NEK4: variants seen among roughly 807,000 people sequenced by gnomAD.
The protein encoded by NEK4 is NIMA related kinase 4.
In NEK4, 86 loss-of-function variants were observed where a neutral mutation model predicts 98.4. The ratio of observed to expected loss-of-function variants is 0.87; its 90% confidence interval spans 0.73 to 1.05. NEK4 has a LOEUF of 1.05. Ranked by LOEUF, NEK4 falls within the 50% of genes least tolerant of loss-of-function variation. The probability of loss-of-function intolerance (pLI) is 0.00; values close to 1 mark genes in which losing one functional copy is unlikely to be tolerated. For missense variants in NEK4, 898 were observed against 950.3 expected, an observed-to-expected ratio of 0.94 and a Z score of 0.72; for synonymous variants, 328 against 342.2, an observed-to-expected ratio of 0.96 and a Z score of 0.46.
chr3:52,753,414 A>T, intron 6 of NEK4: 1 of 359,736 alleles, frequency 2.8e-6, no homozygotes. Context: ...TGGGAACTCT[A>T]CATTGAAGGC....
chr3:52,766,662 C>A (rs184944877), intron 2 of NEK4, among the ~76,000 whole-genome samples: 26 of 152,352 alleles, frequency 1.7e-4, no homozygotes, highest in Admixed American at 1.6e-3. Flanking sequence ...GACAATTATA[C>A]CATTTTGGCA....
At chr3:52,752,800 T>G (rs2154105350) in intron 6 of NEK4, among the ~76,000 whole-genome samples, 1 of 148,624 alleles carries the variant, frequency 6.7e-6, no homozygotes, top group African/African-American at 2.5e-5. Flanking sequence ...CCTGGGAGGC[T>G]GATGCGGGAG....
intron 7 of NEK4, among the ~76,000 whole-genome samples, chr3:52,750,922 G>A (rs1395616409): frequency 6.6e-6 from 1 of 152,158 alleles, no homozygotes; most frequent in Non-Finnish European, 1.5e-5. Context: ...CAGAGACCCT[G>A]TCTCAAAAAA....
intron 6 of NEK4, among the ~76,000 whole-genome samples, chr3:52,759,006 C>T (rs752396481): frequency 4.0e-5 from 6 of 150,230 alleles, no homozygotes; most frequent in Non-Finnish European, 8.9e-5. Flanking sequence ...AGGAGGATCC[C>T]TTGAGTCAAG....
rs1025812602 is a variant in NEK4 at position 52,710,945 on chromosome 3, T to C, written c.*832A>G. 1 of 152,604 alleles carries C rather than the reference T, an allele frequency of 6.6e-6. No individual in the cohort carries two copies. The allele number at this position is 152,604 out of a possible 1,614,324, so 9.5% of individuals were successfully genotyped here. On this transcript the variant is annotated 3_prime_UTR_variant, in exon 16 of 16. Transcript: ENST00000233027. Reference sequence around the variant, plus strand: ...GCTATATAATCATACATTTAAAACATGGAAAGACAACTAATATCTTACAGT... The same window carrying C: ...GCTATATAATCATACATTTAAAACACGGAAAGACAACTAATATCTTACAGT...
At chr3:52,758,825 G>T (rs553294599) in intron 6 of NEK4, among the ~76,000 whole-genome samples, 4 of 152,078 alleles carry the variant, frequency 2.6e-5, no homozygotes, top group African/African-American at 9.7e-5. Context: ...GCAGGGGCTG[G>T]GTGATGTGGC....
intron 4 of NEK4, among the ~76,000 whole-genome samples, chr3:52,765,208 G>A (rs1203448822): frequency 6.6e-6 from 1 of 151,896 alleles, no homozygotes; most frequent in African/African-American, 2.4e-5. Context: ...AAAATTAGCT[G>A]GGCCTGGCAG....
intron 4 of NEK4, among the ~76,000 whole-genome samples, chr3:52,764,776 ATG>A (rs766887057): frequency 0.056 from 4,473 of 79,782 alleles, 98 homozygotes; most frequent in Middle Eastern, 0.072. Context: ...ACACACACAC[ATG>A]CACACACACA....
rs750078366 is a variant in NEK4, at chr3:52,751,994, C to T, written c.1306G>A (p.Glu436Lys). The change falls in exon 7 of 16, where the codon GAA (glutamate) becomes AAA (lysine). Residue 436 changes from glutamate to lysine, a missense_variant. Transcript: ENST00000233027. ...AGAGGCTTCACTGGTTCATTCTTTT[C>T]CCCAGTGACAATGTCAGAGGACCAC... ...PMWSSDIVTGEKNEPVKPLQP... is the reference protein window; with the variant it reads ...PMWSSDIVTGKKNEPVKPLQP... 8.7e-6 allele frequency: 14 copies of T among 1,613,966 alleles called. No homozygotes were observed. Among genetic ancestry groups the T allele is most frequent in the Non-Finnish European group, 1.2e-5 (14 of 1,180,002 alleles).
chr3:52,761,444 A>G (rs62255398), intron 5 of NEK4, among the ~76,000 whole-genome samples: 1 of 151,770 alleles, frequency 6.6e-6, no homozygotes, highest in African/African-American at 2.4e-5. Flanking sequence ...ACGCCCGGCT[A>G]ATTTTTTTGT....
intron 11 of NEK4, among the ~76,000 whole-genome samples, 189 bp from the exon 12 acceptor site, chr3:52,743,650 CT>C (rs2154104156): frequency 6.6e-6 from 1 of 152,300 alleles, no homozygotes; most frequent in East Asian, 1.9e-4. Context: ...GCTCTGTGAC[CT>C]TGGGCAAGTT....
intron 12 of NEK4, among the ~76,000 whole-genome samples, chr3:52,742,650 A>G (rs868701296): frequency 3.9e-5 from 6 of 152,190 alleles, no homozygotes; most frequent in African/African-American, 1.4e-4. Flanking sequence ...AACTACATTG[A>G]CACAAATAAG....
chr3:52,743,436 C>T lies in NEK4; in HGVS notation c.1920G>A (p.Leu640=). The stretch of plus-strand genomic sequence containing the variant: ...GGGGTTTTCCTGGCCCTGCTACACT[C>T]AGAGACGCTTTCCTCACTGAAGGGC... ...SSGPSVRKAS[L]SVAGPGKPQE... is the part of the protein sequence containing the mutation. The change falls in exon 12 of 16, where the codon CTG becomes CTA. Residue 640 remains leucine (L), a synonymous_variant. Transcript: ENST00000233027. 6.2e-7 allele frequency: 1 copy of T among 1,614,134 alleles called. No individual in the cohort carries two copies. Among genetic ancestry groups the T allele is most frequent in the Admixed American group, 1.7e-5 (1 of 60,004 alleles).
At chr3:52,713,800 A>C (rs1200637025) in intron 15 of NEK4, among the ~76,000 whole-genome samples, 1 of 131,960 alleles carries the variant, frequency 7.6e-6, no homozygotes, top group African/African-American at 2.5e-5. Flanking sequence ...CTCTCAAAAA[A>C]AAAAAAAAAA....
chr3:52,750,586 A>G (rs1193474706), intron 7 of NEK4, among the ~76,000 whole-genome samples: 2 of 151,976 alleles, frequency 1.3e-5, no homozygotes, highest in Non-Finnish European at 2.9e-5. Flanking sequence ...ACACACATGC[A>G]CACACACACA....
chr3:52,713,033 A>G lies in NEK4; in HGVS notation c.2434-1164T>C, dbSNP rs544985120. On this transcript the variant is annotated intron_variant, in intron 15 of 15. Transcript: ENST00000233027. ...GGCACAGATCTGAGGGTGGAGCCCT[A>G]GCCAGAGGCCACGCCCTCCCTTACC... Among the ~76,000 whole-genome samples, 5 of 152,288 alleles carry G rather than the reference A, an allele frequency of 3.3e-5. No individual in the cohort carries two copies. The East Asian group carries it at 7.7e-4, about 24-fold the overall frequency.
At chr3:52,770,554 G>T in intron 1 of NEK4, 100 bp downstream of exon 1, 1 of 869,884 alleles carries the variant, frequency 1.1e-6, no homozygotes, top group Non-Finnish European at 1.8e-6. Context: ...CGCCATCCGA[G>T]ATGAGCCTCT....
chr3:52,759,603 A>C (rs759798406), intron 6 of NEK4, among the ~76,000 whole-genome samples: 65 of 152,308 alleles, frequency 4.3e-4, no homozygotes, highest in Middle Eastern at 6.8e-3. Context: ...GATGTGGAGA[A>C]ACTGGAACTC....
intron 15 of NEK4, among the ~76,000 whole-genome samples, chr3:52,721,649 T>C (rs754477227): frequency 6.6e-6 from 1 of 151,802 alleles, no homozygotes; most frequent in Non-Finnish European, 1.5e-5. Context: ...GACAGGAGAA[T>C]TGCTTAAGTC....
Sources: gnomAD v4.1 joint callset for allele counts (sites outside exome capture counted in the v4.1 genomes callset) on GRCh38, gnomAD v4.1.1 for gene constraint, MANE v1.5 for transcripts, NCBI Gene and HGNC (gene_info 2026-07-23, HGNC 2026-07-21) for gene names.